The following HEXB variants were observed in gnomAD, a reference collection of about 807,000 sequenced individuals.
The protein encoded by HEXB is beta-hexosaminidase subunit beta.
In HEXB, 51 loss-of-function variants were observed where a neutral mutation model predicts 71.2. The ratio of observed to expected loss-of-function variants is 0.72; its 90% confidence interval spans 0.57 to 0.90. The LOEUF (loss-of-function observed/expected upper bound fraction) is 0.90, where lower values mean the gene tolerates loss of function less well. Ranked by LOEUF, HEXB falls within the 40% of genes least tolerant of loss-of-function variation. The pLI is 0.00. For synonymous variants in HEXB, 266 were observed against 249.3 expected (o/e 1.07, Z -0.63); for missense variants, 617 against 677.0 (o/e 0.91, Z 0.98).
intron 1 of HEXB, among the ~76,000 whole-genome samples, chr5:74,689,126 T>A (rs559306778): frequency 3.6e-4 from 55 of 152,272 alleles, no homozygotes; most frequent in African/African-American, 1.3e-3. Context: ...TCTAATAGAT[T>A]CTGATTCTGA....
intron 1 of HEXB, among the ~76,000 whole-genome samples, chr5:74,643,181 G>A (rs941799431): frequency 6.6e-6 from 1 of 152,152 alleles, no homozygotes; most frequent in African/African-American, 2.4e-5. Context: ...TAGTTTTCGG[G>A]CAGTTGGGCA....
intron 1 of HEXB, among the ~76,000 whole-genome samples, chr5:74,658,584 G>A (rs947076628): frequency 7.2e-5 from 11 of 151,992 alleles, no homozygotes; most frequent in Non-Finnish European, 1.2e-4. Flanking sequence ...CATATGTCTC[G>A]GGGCCGCAAT....
intron 1 of HEXB, among the ~76,000 whole-genome samples, chr5:74,660,418 G>C (rs1055837612): frequency 6.6e-6 from 1 of 152,212 alleles, no homozygotes; most frequent in South Asian, 2.1e-4. Flanking sequence ...TGTTAAAAGA[G>C]GCTGATATGG....
chr5:74,721,130 T>C lies in HEXB; in HGVS notation c.1626T>C (p.Ala542=). 6.2e-7 allele frequency: 1 copy of C among 1,612,794 alleles called. No individual in the cohort carries two copies. The highest frequency in any genetic ancestry group is 8.5e-7 in the Non-Finnish European group (1 of 1,178,910). The change falls in exon 14 of 14, where the codon GCT becomes GCC. Residue 542 remains alanine, a synonymous_variant. Transcript: ENST00000261416. ...ATGTTATCTACAGACGTGGAATAGC[T>C]GCACAACCTCTTTATGCTGGATATT... The part of the protein sequence containing the change: ...HRCRMVERGI[A]AQPLYAGYCN...
chr5:74,717,108 G>T (rs1461261216), intron 9 of HEXB, among the ~76,000 whole-genome samples: 1 of 152,176 alleles, frequency 6.6e-6, no homozygotes, highest in East Asian at 1.9e-4. Flanking sequence ...AATCTCCTGG[G>T]AGATGGAGGT....
At chr5:74,646,629 A>G (rs1748006128) in intron 1 of HEXB, among the ~76,000 whole-genome samples, 1 of 149,332 alleles carries the variant, frequency 6.7e-6, no homozygotes, top group Non-Finnish European at 1.5e-5. Flanking sequence ...GTGCAGTGGC[A>G]TGATCTCGGC....
At chr5:74,679,966 A>T (rs1748708979) in intron 1 of HEXB, among the ~76,000 whole-genome samples, 1 of 152,180 alleles carries the variant, frequency 6.6e-6, no homozygotes, top group Non-Finnish European at 1.5e-5. Context: ...TCAATCAGAC[A>T]AAATGTCCTC....
intron 6 of HEXB, among the ~76,000 whole-genome samples, chr5:74,706,422 T>G (rs1749390127): frequency 6.6e-6 from 1 of 152,186 alleles, no homozygotes; most frequent in South Asian, 2.1e-4. Flanking sequence ...TTCATCTCAC[T>G]AGGGAGTGCC....
chr5:74,675,881 A>T (rs1395135194), intron 1 of HEXB, among the ~76,000 whole-genome samples: 1 of 152,192 alleles, frequency 6.6e-6, no homozygotes, highest in Non-Finnish European at 1.5e-5. Flanking sequence ...ATTCTTGTAT[A>T]ATCTCTCAGA....
At chr5:74,640,621 G>T (rs775362686) in intron 1 of HEXB, 1 of 152,368 alleles carries the variant, frequency 6.6e-6, no homozygotes, top group South Asian at 2.1e-4. Flanking sequence ...GCGCTCGGGG[G>T]AGGGAGCTAG....
chr5:74,648,124 T>C (rs1455258332), intron 1 of HEXB, among the ~76,000 whole-genome samples: 4 of 152,190 alleles, frequency 2.6e-5, no homozygotes, highest in Non-Finnish European at 5.9e-5. Flanking sequence ...ATCAGTAAAA[T>C]GGGGCCTAAT....
At chr5:74,704,231 T>C (rs1749326909) in intron 5 of HEXB, among the ~76,000 whole-genome samples, 1 of 152,196 alleles carries the variant, frequency 6.6e-6, no homozygotes, top group Non-Finnish European at 1.5e-5. Flanking sequence ...AACCCTCCTT[T>C]TATCCTCAAT....
intron 1 of HEXB, among the ~76,000 whole-genome samples, chr5:74,662,465 C>T (rs1199087930): frequency 6.6e-6 from 1 of 151,968 alleles, no homozygotes; most frequent in African/African-American, 2.4e-5. Context: ...TTGAGGTTTG[C>T]TTCCTACCAA....
At chr5:74,699,362 C>T (rs770632166) in intron 5 of HEXB, among the ~76,000 whole-genome samples, 2 of 151,918 alleles carry the variant, frequency 1.3e-5, no homozygotes, top group Non-Finnish European at 2.9e-5. Context: ...GCTACCTCCG[C>T]CTCCTGAGTT....
rs1184199039 is a variant in HEXB, at chr5:74,650,935, A to AG, written c.-377+10377_-377+10378insG. On this transcript the variant is annotated intron_variant, in intron 1 of 13. Coordinates refer to the HEXB transcript ENST00000511181. ...CGTGAGACTCTGTCTCAAAAAAAAA[A>AG]AAAAAAAAAAAGGCAACTGCAAAAA... Among the ~76,000 whole-genome samples the AG allele has an allele frequency of 2.0e-5, 3 of 151,948 alleles. No individual in the cohort carries two copies. The East Asian group carries it at 5.8e-4, about 29-fold the overall frequency.
chr5:74,688,016 A>G (rs1561214941), intron 1 of HEXB, among the ~76,000 whole-genome samples: 1 of 152,108 alleles, frequency 6.6e-6, no homozygotes. Flanking sequence ...TAGTGCCTTT[A>G]CATTTTTATT....
Position 74,685,529 on chromosome 5 carries a change from C to G in HEXB, c.269C>G (p.Ser90Cys), listed in dbSNP as rs369865661. ...SHSPNSTAGP[S>C]CTLLEEAFRR... is the part of the protein sequence containing the mutation. ...AGCCCCAATTCCACGGCGGGCCCCT[C>G]CTGCACCCTGCTGGAGGAAGCGTTT... The change falls in exon 1 of 14, where the codon TCC becomes TGC. Residue 90 changes from serine (S) to cysteine (C), a missense_variant. Transcript: ENST00000261416. The G allele has an allele frequency of 1.3e-6, 2 of 1,592,782 alleles. No homozygotes were observed. Among genetic ancestry groups the G allele is most frequent in the Admixed American group, 3.6e-5 (2 of 55,796 alleles).
At position 74,696,861 on chromosome 5, in the gene HEXB, T is replaced by C. The variant is rs2112141329; in HGVS notation, c.558+122T>C. 5.3e-6 allele frequency: 4 copies of C among 757,898 alleles called. 1 individual carries two copies. The East Asian group carries it at 1.1e-4, about 20-fold the overall frequency. 46.9% of individuals were successfully genotyped at this position (757,898 alleles called of 1,614,324 possible). ...TTCCCCAGATATTTGTCTTAGCCGG[T>C]AAATGTAAATTTCATACATTTTTGT... On this transcript the variant is annotated intron_variant, in intron 4 of 13. Coordinates refer to ENST00000261416, the MANE Select transcript of HEXB (RefSeq NM_000521.4).
At chr5:74,659,467 A>C (rs573046166) in intron 1 of HEXB, among the ~76,000 whole-genome samples, 36 of 152,354 alleles carry the variant, frequency 2.4e-4, no homozygotes, top group African/African-American at 7.0e-4. Context: ...GGGAAGCCAC[A>C]GGTGATTCTA....
Sources: gnomAD v4.1 joint callset for allele counts (sites outside exome capture counted in the v4.1 genomes callset) on GRCh38, gnomAD v4.1.1 for gene constraint, MANE v1.5 for transcripts, NCBI Gene and HGNC (gene_info 2026-07-23, HGNC 2026-07-21) for gene names.